Variants in C2orf80 observed in about 807,000 individuals in gnomAD.
C2orf80 encodes the protein chromosome 2 open reading frame 80, also known as uncharacterized protein C2orf80.
A neutral mutation model predicts 30.2 loss-of-function variants in C2orf80; 28 were observed. The ratio of observed to expected loss-of-function variants is 0.93; its 90% confidence interval spans 0.69 to 1.27. The LOEUF is 1.27. Among genes scored for constraint, C2orf80 ranks in the 50% most tolerant of loss-of-function variants. The probability of loss-of-function intolerance (pLI) is 0.00; values close to 1 mark genes in which losing one functional copy is unlikely to be tolerated. For missense variants in C2orf80, 220 were observed against 231.0 expected (o/e 0.95, Z 0.31); for synonymous variants, 80 against 76.4 (o/e 1.05, Z -0.24).
intron 6 of C2orf80, among the ~76,000 whole-genome samples, chr2:208,178,291 A>G (rs1696431663): frequency 6.6e-6 from 1 of 152,120 alleles, no homozygotes; most frequent in Non-Finnish European, 1.5e-5. Context: ...AACTAGTCAG[A>G]TGTGCTGATG....
intron 6 of C2orf80, among the ~76,000 whole-genome samples, chr2:208,173,175 C>T (rs1304201678): frequency 7.0e-6 from 1 of 142,802 alleles, no homozygotes; most frequent in Non-Finnish European, 1.5e-5. Flanking sequence ...AAATAGATGA[C>T]AACATTGTGG....
chr2:208,177,464 C>T (rs928343442), intron 6 of C2orf80, among the ~76,000 whole-genome samples: 1 of 152,006 alleles, frequency 6.6e-6, no homozygotes, highest in Admixed American at 6.6e-5. Flanking sequence ...TCACTTGAAC[C>T]CGGGAGGCGT....
intron 6 of C2orf80, among the ~76,000 whole-genome samples, chr2:208,177,507 C>T (rs1397588626): frequency 6.6e-6 from 1 of 152,080 alleles, no homozygotes; most frequent in Non-Finnish European, 1.5e-5. Flanking sequence ...CACCACTGCA[C>T]TCCAGCCTGG....
intron 7 of C2orf80, among the ~76,000 whole-genome samples, chr2:208,171,479 C>G (rs1696097051): frequency 6.6e-6 from 1 of 152,168 alleles, no homozygotes; most frequent in Non-Finnish European, 1.5e-5. Context: ...TACCACCACA[C>G]CCAGCTAATT....
chr2:208,174,766 A>G (rs911169198), intron 6 of C2orf80, among the ~76,000 whole-genome samples: 1 of 152,202 alleles, frequency 6.6e-6, no homozygotes, highest in Non-Finnish European at 1.5e-5. Flanking sequence ...GACTCGAATG[A>G]TAGCCAGTCA....
chr2:208,174,206 A>G (rs999133003), intron 6 of C2orf80, among the ~76,000 whole-genome samples: 4 of 152,150 alleles, frequency 2.6e-5, no homozygotes, highest in Non-Finnish European at 5.9e-5. Context: ...CTCCTGCCTC[A>G]GCCTCTTAAA....
intron 1 of C2orf80, among the ~76,000 whole-genome samples, chr2:208,187,508 G>A (rs1453505501): frequency 6.6e-6 from 1 of 152,090 alleles, no homozygotes; most frequent in Non-Finnish European, 1.5e-5. Flanking sequence ...CCTATTGCCA[G>A]GAGATCCTTG....
At chr2:208,172,606 T>C (rs1696138284) in intron 6 of C2orf80, among the ~76,000 whole-genome samples, 1 of 152,018 alleles carries the variant, frequency 6.6e-6, no homozygotes, top group South Asian at 2.1e-4. Flanking sequence ...TAAACCACAG[T>C]GAAATACCAT....
In C2orf80 at chr2:208,171,027, G is replaced by A. The variant is rs181183031; in HGVS notation, c.491C>T (p.Ala164Val). The change falls in exon 8 of 9, where the codon GCC (alanine) becomes GTC (valine). Residue 164 changes from alanine to valine, a missense_variant. Transcript: ENST00000341287. ...TGCTTCCTTTGCAGAGATGCTGGTG[G>A]CATTTTTATTTGTTGTTACCTTTCT... Reference protein sequence around the residue: ...KSRKVTTNKNATSISAKEANA... With the variant: ...KSRKVTTNKNVTSISAKEANA... The A allele has an allele frequency of 1.4e-4, 232 of 1,614,044 alleles. 2 individuals carry two copies. Among genetic ancestry groups the A allele is most frequent in the Admixed American group, 2.8e-4 (17 of 60,020 alleles).
chr2:208,175,576 G>A (rs1470010293), intron 6 of C2orf80, among the ~76,000 whole-genome samples: 1 of 152,046 alleles, frequency 6.6e-6, no homozygotes, highest in South Asian at 2.1e-4. Context: ...TGTGTCATGC[G>A]GCCAATTCCA....
chr2:208,184,892 C>A (rs1215068324), intron 3 of C2orf80, 59 bp downstream of exon 3: 20 of 1,368,954 alleles, frequency 1.5e-5, no homozygotes, highest in Non-Finnish European at 2.0e-5. Context: ...GATCCTTTTT[C>A]TGTCTCTTTA....
intron 6 of C2orf80, among the ~76,000 whole-genome samples, chr2:208,174,344 G>A (rs10191121): frequency 0.011 from 1,715 of 152,158 alleles, 33 homozygotes; most frequent in African/African-American, 0.039. Context: ...TGCACAATTC[G>A]GTCTGAGTCA....
At chr2:208,176,861 T>C (rs887036269) in intron 6 of C2orf80, among the ~76,000 whole-genome samples, 4 of 48,402 alleles carry the variant, frequency 8.3e-5, no homozygotes, top group African/African-American at 3.0e-4. Flanking sequence ...TCTATATATA[T>C]ACTATATATA....
At chr2:208,179,008 C>T (rs1051036438) in intron 6 of C2orf80, among the ~76,000 whole-genome samples, 1 of 152,138 alleles carries the variant, frequency 6.6e-6, no homozygotes, top group Non-Finnish European at 1.5e-5. Flanking sequence ...ATCCACCCAC[C>T]TTGGCCTCCC....
At chr2:208,169,183 C>T (rs2105890641) in intron 8 of C2orf80, among the ~76,000 whole-genome samples, 1 of 151,354 alleles carries the variant, frequency 6.6e-6, no homozygotes, top group Non-Finnish European at 1.5e-5. Context: ...ACATAGGGTC[C>T]ATTGATGAGG....
At chr2:208,185,745 T>C (rs1193271587) in intron 2 of C2orf80, among the ~76,000 whole-genome samples, 1 of 152,240 alleles carries the variant, frequency 6.6e-6, no homozygotes, top group African/African-American at 2.4e-5. Context: ...TTCTGGCTTC[T>C]GAAAGCTTTT....
intron 3 of C2orf80, among the ~76,000 whole-genome samples, chr2:208,183,404 C>T (rs772369314): frequency 2.6e-5 from 4 of 152,040 alleles, no homozygotes; most frequent in Non-Finnish European, 5.9e-5. Context: ...CAACAACTCA[C>T]GGAATATTCT....
At chr2:208,174,155 C>T (rs1334170913) in intron 6 of C2orf80, among the ~76,000 whole-genome samples, 1 of 151,986 alleles carries the variant, frequency 6.6e-6, no homozygotes, top group African/African-American at 2.4e-5. Context: ...GTTTTTGCCA[C>T]GTTGCCTAGG....
intron 1 of C2orf80, 68 bp from the exon 2 acceptor site, chr2:208,187,129 C>T (rs1295573626): frequency 1.3e-6 from 1 of 744,502 alleles, no homozygotes; most frequent in African/African-American, 1.8e-5. Context: ...TCATGGAGTC[C>T]TAGGCTCTGG....
Sources: gnomAD v4.1 joint callset for allele counts (sites outside exome capture counted in the v4.1 genomes callset) on GRCh38, gnomAD v4.1.1 for gene constraint, MANE v1.5 for transcripts, NCBI Gene and HGNC (gene_info 2026-07-23, HGNC 2026-07-21) for gene names.